The following KCNIP4 variants were observed in gnomAD, a reference collection of about 807,000 sequenced individuals.
KCNIP4 encodes potassium voltage-gated channel interacting protein 4.
KCNIP4 carries 12 observed loss-of-function variants against 34.0 expected under a neutral mutation model. The ratio of observed to expected loss-of-function variants is 0.35; its 90% CI spans 0.23 to 0.57. KCNIP4 has a LOEUF of 0.57. Ranked by LOEUF, KCNIP4 falls within the 20% of genes least tolerant of loss-of-function variation. KCNIP4 has a pLI of 0.83. For synonymous variants in KCNIP4, 124 were observed against 102.2 expected, an observed-to-expected ratio of 1.21 and a Z score of -1.29; for missense variants, 238 against 311.7, an observed-to-expected ratio of 0.76 and a Z score of 1.78.
chr4:21,939,834 A>G (rs1730097950), intron 1 of KCNIP4, among the ~76,000 whole-genome samples: 1 of 152,210 alleles, frequency 6.6e-6, no homozygotes, highest in Non-Finnish European at 1.5e-5. Flanking sequence ...GCAGAATGTG[A>G]CTTTCACAAG....
intron 1 of KCNIP4, among the ~76,000 whole-genome samples, chr4:21,724,478 A>G (rs1437863236): frequency 6.6e-6 from 1 of 152,088 alleles, no homozygotes; most frequent in Non-Finnish European, 1.5e-5. Context: ...AGTGAGTTAC[A>G]ACACTAAAGT....
In KCNIP4 at chr4:21,948,551, G is replaced by T. The variant is rs201122019; in HGVS notation, c.61+20C>A. 1.2e-6 allele frequency: 2 copies of T among 1,610,110 alleles called. No individual in the cohort carries two copies. Among genetic ancestry groups the T allele is most frequent in the Admixed American group, 1.7e-5 (1 of 59,774 alleles). ...GGAGGGCGGAAGCGGGCGCCCGCTCGCAAGCTTATTGCATCCTACCGCCTG... is the reference window on the plus strand; with the variant it reads ...GGAGGGCGGAAGCGGGCGCCCGCTCTCAAGCTTATTGCATCCTACCGCCTG... On this transcript the variant is annotated intron_variant, in intron 1 of 8. Coordinates refer to ENST00000382152, the MANE Select transcript of KCNIP4 (RefSeq NM_025221.6).
chr4:21,074,752 C>T (rs549802696), intron 1 of KCNIP4, among the ~76,000 whole-genome samples: 5 of 152,260 alleles, frequency 3.3e-5, no homozygotes, highest in Non-Finnish European at 7.4e-5. Context: ...TTGGATCTTT[C>T]CTGCTTTCTC....
chr4:21,910,249 T>C, intron 1 of KCNIP4, among the ~76,000 whole-genome samples: 1 of 152,138 alleles, frequency 6.6e-6, no homozygotes. Context: ...GCTGGAGTCA[T>C]CAGCATCAAT....
chr4:21,533,747 A>C (rs2108983356), intron 1 of KCNIP4, among the ~76,000 whole-genome samples: 1 of 152,292 alleles, frequency 6.6e-6, no homozygotes, highest in South Asian at 2.1e-4. Context: ...CCATTTATTA[A>C]GAAATTGAGG....
At chr4:21,846,001 T>C (rs529585304) in intron 1 of KCNIP4, 28 of 152,268 alleles carry the variant, frequency 1.8e-4, no homozygotes, top group African/African-American at 6.7e-4. Flanking sequence ...GTTTTGTTTT[T>C]ACTGCTAAAA....
intron 1 of KCNIP4, among the ~76,000 whole-genome samples, chr4:21,801,194 T>C (rs1343577728): frequency 6.6e-6 from 1 of 152,224 alleles, no homozygotes; most frequent in Non-Finnish European, 1.5e-5. Flanking sequence ...AGCACTTTTA[T>C]CATTACATAA....
At chr4:20,916,245 C>T (rs1728804355) in intron 1 of KCNIP4, 3 of 820,918 alleles carry the variant, frequency 3.7e-6, no homozygotes, top group Non-Finnish European at 4.4e-6. Context: ...GATTTCTGCC[C>T]CAAAGAGCTC....
intron 1 of KCNIP4, among the ~76,000 whole-genome samples, chr4:21,184,744 G>C (rs1026098085): frequency 1.3e-5 from 2 of 152,144 alleles, no homozygotes; most frequent in Non-Finnish European, 2.9e-5. Flanking sequence ...TTATGGCTAA[G>C]GAAAATCCAT....
intron 1 of KCNIP4, among the ~76,000 whole-genome samples, chr4:21,135,022 G>A (rs939542000): frequency 1.3e-5 from 2 of 152,172 alleles, no homozygotes; most frequent in African/African-American, 4.8e-5. Flanking sequence ...TGACAATCTA[G>A]CTACAAAATT....
intron 1 of KCNIP4, among the ~76,000 whole-genome samples, chr4:21,016,592 G>A (rs1451360639): frequency 6.6e-6 from 1 of 152,036 alleles, no homozygotes; most frequent in Non-Finnish European, 1.5e-5. Context: ...ACCTCACCCA[G>A]CCAAGCTTTC....
intron 1 of KCNIP4, among the ~76,000 whole-genome samples, chr4:21,709,201 GAAC>G (rs1713524837): frequency 6.6e-6 from 1 of 152,026 alleles, no homozygotes; most frequent in African/African-American, 2.4e-5. Flanking sequence ...GAATTAAAAA[GAAC>G]AATAAATGTC....
At chr4:21,661,059 A>T (rs941872902) in intron 1 of KCNIP4, among the ~76,000 whole-genome samples, 1 of 152,162 alleles carries the variant, frequency 6.6e-6, no homozygotes, top group Non-Finnish European at 1.5e-5. Flanking sequence ...GCAGCAGAGC[A>T]GTGTAGCAGA....
chr4:21,352,736 C>T (rs1718143671), intron 1 of KCNIP4, among the ~76,000 whole-genome samples: 1 of 152,218 alleles, frequency 6.6e-6, no homozygotes, highest in African/African-American at 2.4e-5. Context: ...CTTCTACAGA[C>T]TTAAACATCC....
At chr4:21,320,274 C>T (rs1021651920) in intron 1 of KCNIP4, among the ~76,000 whole-genome samples, 1 of 152,096 alleles carries the variant, frequency 6.6e-6, no homozygotes, top group African/African-American at 2.4e-5. Flanking sequence ...TTTGATGGCA[C>T]AATGAGGAAA....
At chr4:21,661,265 T>C (rs1163689995) in intron 1 of KCNIP4, among the ~76,000 whole-genome samples, 1 of 152,160 alleles carries the variant, frequency 6.6e-6, no homozygotes, top group Non-Finnish European at 1.5e-5. Flanking sequence ...TCTTCAAGTT[T>C]GTGTGACCTG....
intron 1 of KCNIP4, chr4:21,763,155 C>T (rs1212623777): frequency 1.6e-6 from 2 of 1,229,026 alleles, no homozygotes; most frequent in African/African-American, 1.5e-5. Context: ...TGAATTCACA[C>T]AAACAAAATG....
intron 1 of KCNIP4, among the ~76,000 whole-genome samples, chr4:20,955,006 G>C (rs1252747460): frequency 1.3e-5 from 2 of 152,158 alleles, no homozygotes; most frequent in Non-Finnish European, 2.9e-5. Flanking sequence ...CTGGATTTCA[G>C]CTCCACTTGA....
chr4:21,121,463 T>C (rs2109136023), intron 1 of KCNIP4, among the ~76,000 whole-genome samples: 1 of 152,354 alleles, frequency 6.6e-6, no homozygotes, highest in Admixed American at 6.5e-5. Context: ...CCTAAGTCAC[T>C]CGTTACATAT....
Sources: allele counts gnomAD v4.1 joint callset (sites outside exome capture counted in the v4.1 genomes callset), GRCh38; gene constraint gnomAD v4.1.1; transcripts MANE v1.5; gene names NCBI Gene and HGNC (gene_info 2026-07-23, HGNC 2026-07-21).